PLCH1: variants seen among roughly 807,000 people sequenced by gnomAD.
PLCH1 encodes 1-phosphatidylinositol 4,5-bisphosphate phosphodiesterase eta-1.
In PLCH1, 60 loss-of-function variants were observed where a neutral mutation model predicts 126.7. The observed-to-expected ratio is 0.47, with a 90% confidence interval of 0.38 to 0.59. PLCH1 has a LOEUF of 0.59. PLCH1 is among the 20% of genes least tolerant of loss of function. The pLI, the probability that PLCH1 is intolerant of heterozygous loss-of-function variation, is 0.00. For missense variants in PLCH1, 1,723 were observed against 2,040.0 expected (o/e 0.84, Z 2.99); for synonymous variants, 719 against 734.9 (o/e 0.98, Z 0.35).
chr3:155,532,310 G>A lies in PLCH1; in HGVS notation c.1363-8306C>T, dbSNP rs146998512. On this transcript the variant is annotated intron_variant, in intron 10 of 22. Transcript: ENST00000460012. ...CAAAAGAATTCACAGACCCTTTGAA[G>A]GAAGCAGACTGCTGTTCCAAGCTCT... Among the ~76,000 whole-genome samples the A allele has an allele frequency of 5.9e-5, 9 of 152,304 alleles. No individual in the cohort carries two copies. In the South Asian group the frequency reaches 1.2e-3, roughly 21 times the overall value.
rs753590715 is a variant in PLCH1 at position 155,481,629 on chromosome 3, T to G, written c.4397A>C (p.Lys1466Thr). 1 of 1,614,048 alleles carries G rather than the reference T, an allele frequency of 6.2e-7. No individual in the cohort carries two copies. The highest frequency in any genetic ancestry group is 8.5e-7 in the Non-Finnish European group (1 of 1,180,038). ...SAQDMHVPVP[K>T]QLAHLPLPAL... ...AGGCAAAGGAAGATGTGCCAACTGC[T>G]TGGGTACAGGGACATGCATATCTTG... The change falls in exon 23 of 23, where the codon AAG becomes ACG. Residue 1466 changes from lysine to threonine, a missense_variant. Transcript: ENST00000460012. The surrounding 1 kb of genome is among the most constrained non-coding windows in gnomAD (Gnocchi z 4.2).
chr3:155,623,877 C>T lies in PLCH1; in HGVS notation c.80-27499G>A, dbSNP rs142687149. ...ACTATTCCAAACAATAGAAAAAGAG[C>T]GAATCCTCCCTAACTCATTTTACGA... On this transcript the variant is annotated intron_variant, in intron 2 of 22. Coordinates refer to ENST00000460012, the MANE Select transcript of PLCH1 (RefSeq NM_014996.4). Among the ~76,000 whole-genome samples the T allele has an allele frequency of 2.8e-4, 43 of 152,158 alleles. No individual in the cohort carries two copies. The South Asian group carries it at 7.5e-3, about 26-fold the overall frequency.
In PLCH1 at chr3:155,488,875, T is replaced by C; in HGVS notation, c.2393-69A>G. On this transcript the variant is annotated intron_variant, in intron 19 of 22. Coordinates refer to ENST00000460012, the MANE Select transcript of PLCH1 (RefSeq NM_014996.4). ...GGCTGAAAATGAGTTGGCAGCAACA[T>C]CTGCAAAGCAGACGGTGAAAATTGC... 12 of 1,376,014 alleles carry C rather than the reference T, an allele frequency of 8.7e-6. 1 individual carries two copies. The highest frequency in any genetic ancestry group is 5.3e-5 in the South Asian group (4 of 74,928). 85.2% of individuals were successfully genotyped at this position (1,376,014 alleles called of 1,614,324 possible). A position where few individuals can be genotyped will look rare whatever the true frequency, so the allele number is the denominator to read the frequency against.
At chr3:155,585,396 A>G (rs1731229922) in intron 5 of PLCH1, among the ~76,000 whole-genome samples, 1 of 152,216 alleles carries the variant, frequency 6.6e-6, no homozygotes, top group Non-Finnish European at 1.5e-5. Context: ...CCTGTTACAA[A>G]TTAATACTCT....
intron 12 of PLCH1, among the ~76,000 whole-genome samples, chr3:155,509,267 A>G (rs1719132106): frequency 8.3e-6 from 1 of 120,322 alleles, no homozygotes; most frequent in Non-Finnish European, 1.6e-5. Flanking sequence ...TAGTCTTGCT[A>G]GCGGTCTATC....
At chr3:155,542,930 G>T (rs976581761) in intron 10 of PLCH1, among the ~76,000 whole-genome samples, 2 of 152,112 alleles carry the variant, frequency 1.3e-5, no homozygotes, top group Admixed American at 1.3e-4. Context: ...AAACCACAAA[G>T]ATGGGGAAAA....
chr3:155,731,860 A>G (rs1382108708), intron 1 of PLCH1, among the ~76,000 whole-genome samples: 1 of 151,838 alleles, frequency 6.6e-6, no homozygotes, highest in Admixed American at 6.6e-5. Flanking sequence ...GCACACACCT[A>G]TAGTCCCAGC....
chr3:155,704,020 C>T (rs373270242), intron 2 of PLCH1, 126 bp downstream of exon 2: 1 of 414,030 alleles, frequency 2.4e-6, no homozygotes, highest in African/African-American at 2.0e-5. Context: ...TATTCATAAA[C>T]AAGTTAACTC....
At chr3:155,625,781 G>A (rs1202294524) in intron 2 of PLCH1, among the ~76,000 whole-genome samples, 6 of 152,162 alleles carry the variant, frequency 3.9e-5, no homozygotes, top group African/African-American at 1.4e-4. Context: ...ACTGTTGGTG[G>A]GAGTGTAAAT....
intron 2 of PLCH1, among the ~76,000 whole-genome samples, chr3:155,610,390 C>CAAAAAAAAAAA (rs1491267517): frequency 1.2e-5 from 1 of 81,720 alleles, no homozygotes; most frequent in Non-Finnish European, 2.2e-5. Context: ...AAAAAAAAAA[C>CAAAAAAAAAAA]CATCACCTAG....
At chr3:155,483,135 A>C in intron 22 of PLCH1, 84 bp from the exon 23 acceptor site, 1 of 1,229,920 alleles carries the variant, frequency 8.1e-7, no homozygotes, top group Non-Finnish European at 1.2e-6. Flanking sequence ...CGGACAGACA[A>C]ATGGAGAATG....
At chr3:155,681,061 A>G (rs1744488825) in intron 2 of PLCH1, among the ~76,000 whole-genome samples, 1 of 152,188 alleles carries the variant, frequency 6.6e-6, no homozygotes, top group African/African-American at 2.4e-5. Flanking sequence ...CTATAAAAAC[A>G]TATGAAAAAA....
At chr3:155,679,926 C>T (rs1355197720) in intron 2 of PLCH1, among the ~76,000 whole-genome samples, 1 of 152,156 alleles carries the variant, frequency 6.6e-6, no homozygotes, top group Non-Finnish European at 1.5e-5. Flanking sequence ...GCCCTTTCCC[C>T]TGGCTCTGTG....
intron 12 of PLCH1, among the ~76,000 whole-genome samples, chr3:155,511,750 T>C (rs1316646990): frequency 6.8e-6 from 1 of 146,710 alleles, no homozygotes; most frequent in African/African-American, 2.6e-5. Context: ...CACTGCTCTC[T>C]TCAAAGCTGT....
Position 155,704,837 on chromosome 3 carries a change from T to C in PLCH1, c.-40-573A>G, listed in dbSNP as rs1387718474. Among the ~76,000 whole-genome samples, 4 of 152,200 alleles carry C rather than the reference T, an allele frequency of 2.6e-5. No homozygotes were observed. In the South Asian group the frequency reaches 6.2e-4, roughly 24 times the overall value. ...CCCAGGCTGAACTCATTGATGTAAC[T>C]AGAGCTGGGCACAGGCCTCAGCAAG... On this transcript the variant is annotated intron_variant, in intron 1 of 22. Coordinates refer to ENST00000460012, the MANE Select transcript of PLCH1 (RefSeq NM_014996.4).
intron 18 of PLCH1, among the ~76,000 whole-genome samples, chr3:155,491,099 C>T (rs1369154689): frequency 6.6e-6 from 1 of 152,180 alleles, no homozygotes; most frequent in Non-Finnish European, 1.5e-5. Flanking sequence ...ACTTTACCCA[C>T]TGAACCTACA....
chr3:155,574,031 A>G (rs974178191), intron 6 of PLCH1, among the ~76,000 whole-genome samples: 2 of 152,112 alleles, frequency 1.3e-5, no homozygotes, highest in African/African-American at 4.8e-5. Flanking sequence ...CTCCTGCCTC[A>G]GCCTCCCGAG....
intron 2 of PLCH1, among the ~76,000 whole-genome samples, chr3:155,653,966 G>T (rs1741070125): frequency 6.6e-6 from 1 of 151,276 alleles, no homozygotes; most frequent in Admixed American, 6.6e-5. Flanking sequence ...AAAATTGTCT[G>T]TCTCCATTTC....
intron 2 of PLCH1, among the ~76,000 whole-genome samples, chr3:155,656,784 G>A (rs1236571016): frequency 6.6e-6 from 1 of 152,040 alleles, no homozygotes; most frequent in Non-Finnish European, 1.5e-5. Context: ...TATTAGAAGA[G>A]GCATTAGACA....
Sources: gnomAD v4.1 joint callset for allele counts (sites outside exome capture counted in the v4.1 genomes callset) on GRCh38, gnomAD v4.1.1 for gene constraint, Gnocchi (gnomAD v3.1) non-coding constraint, MANE v1.5 for transcripts, NCBI Gene and HGNC (gene_info 2026-07-23, HGNC 2026-07-21) for gene names.